The following SNTG1 variants were observed in gnomAD, a reference collection of about 807,000 sequenced individuals.
SNTG1 encodes syntrophin gamma 1.
In SNTG1, 39 loss-of-function variants were observed where a neutral mutation model predicts 74.7. That is an observed-to-expected ratio of 0.52 (90% confidence interval 0.40 to 0.68). SNTG1 has a LOEUF of 0.68. Ranked by LOEUF, SNTG1 falls within the 30% of genes least tolerant of loss-of-function variation. The pLI is 0.00. For missense variants in SNTG1, 685 were observed against 609.5 expected (o/e 1.12, Z -1.30); for synonymous variants, 254 against 217.1 (o/e 1.17, Z -1.49).
chr8:50,341,747 T>G (rs2091324372), intron 2 of SNTG1, among the ~76,000 whole-genome samples: 1 of 152,046 alleles, frequency 6.6e-6, no homozygotes, highest in Admixed American at 6.5e-5. Context: ...TGGTGCCAGT[T>G]TGTAGGTGAC....
chr8:50,154,068 G>A (rs541417534), intron 1 of SNTG1, among the ~76,000 whole-genome samples: 1 of 152,216 alleles, frequency 6.6e-6, no homozygotes, highest in African/African-American at 2.4e-5. Context: ...GAGCTTCCAG[G>A]CTGCTTTATT....
Position 50,229,575 on chromosome 8 carries a change from T to C in SNTG1, c.-28+56940T>C, listed in dbSNP as rs1171574103. On this transcript the variant is annotated intron_variant, in intron 2 of 18. Transcript: ENST00000642720. ...AACATGTACACAATTAAAAAGAGAGTCAAAATTTGTGAGGCAAAACTTGAT... is the reference window on the plus strand; with the variant it reads ...AACATGTACACAATTAAAAAGAGAGCCAAAATTTGTGAGGCAAAACTTGAT... 8.0e-4 allele frequency among the ~76,000 whole-genome samples: 120 copies of C among 150,740 alleles called. 3 individuals carry two copies. The highest frequency in any genetic ancestry group is 7.9e-3 in the Admixed American group (120 of 15,114).
chr8:50,730,173 G>T (rs1292558890), intron 17 of SNTG1, among the ~76,000 whole-genome samples: 1 of 152,086 alleles, frequency 6.6e-6, no homozygotes, highest in East Asian at 1.9e-4. Flanking sequence ...GAAAGAAAGT[G>T]ATTTGAATAT....
chr8:49,965,224 A>G (rs1293815642), intron 1 of SNTG1, among the ~76,000 whole-genome samples: 1 of 152,162 alleles, frequency 6.6e-6, no homozygotes, highest in African/African-American at 2.4e-5. Flanking sequence ...CTACACATCA[A>G]TTTAGCAGTA....
intron 18 of SNTG1, among the ~76,000 whole-genome samples, chr8:50,759,008 C>A (rs572424642): frequency 1.3e-5 from 2 of 152,232 alleles, no homozygotes; most frequent in South Asian, 4.1e-4. Flanking sequence ...ACCATTCTAA[C>A]TGACGTGAGA....
chr8:50,779,637 T>G (rs1436373958), intron 18 of SNTG1, among the ~76,000 whole-genome samples: 1 of 152,022 alleles, frequency 6.6e-6, no homozygotes, highest in East Asian at 1.9e-4. Flanking sequence ...TATACAATCA[T>G]GTCATCTGCA....
In SNTG1 at chr8:50,502,783, G is replaced by C. The variant is rs771241632; in HGVS notation, c.369G>C (p.Gln123His). 12 of 1,611,558 alleles carry C rather than the reference G, an allele frequency of 7.4e-6. No homozygotes were observed. The highest frequency in any genetic ancestry group is 2.2e-5 in the East Asian group (1 of 44,744). ...VRKCRHEEVV[Q>H]VLRNAGEEVT... ...CTTTTTATTCTTTTTTTCAGGTTCA[G>C]GTTCTTCGGAATGCTGGAGAAGAAG... Residue 123 changes from glutamine to histidine, a missense_variant, in exon 9 of 19, where the codon CAG becomes CAC. By Grantham distance (24) the Gln-to-His change is conservative. Transcript: ENST00000642720.
intron 1 of SNTG1, among the ~76,000 whole-genome samples, chr8:49,983,731 C>T (rs2130183314): frequency 1.3e-5 from 2 of 152,276 alleles, no homozygotes; most frequent in Middle Eastern, 3.4e-3. Context: ...TACTTCACTG[C>T]CCTGATGCTT....
chr8:50,206,947 G>C (rs191216815), intron 2 of SNTG1, among the ~76,000 whole-genome samples: 2 of 152,256 alleles, frequency 1.3e-5, no homozygotes, highest in East Asian at 1.9e-4. Flanking sequence ...CCTTTTTGAC[G>C]TGCTGCTGGT....
intron 15 of SNTG1, among the ~76,000 whole-genome samples, chr8:50,661,193 T>C (rs1436620451): frequency 6.6e-6 from 1 of 152,208 alleles, no homozygotes; most frequent in African/African-American, 2.4e-5. Context: ...TTAGGTGATA[T>C]GATGTTAAGT....
Position 50,394,215 on chromosome 8 carries a change from A to T in SNTG1, c.-24A>T, listed in dbSNP as rs746014404. 2 of 1,612,836 alleles carry T rather than the reference A, an allele frequency of 1.2e-6. No homozygotes were observed. Among genetic ancestry groups the T allele is most frequent in the Non-Finnish European group, 1.7e-6 (2 of 1,179,248 alleles). ...TACCATTTCTGTGTCTTTTCAGACG[A>T]CATCCTTTGTGGTGCCACAGCACAT... is the stretch of plus-strand genomic sequence containing the variant. On this transcript the variant is annotated 5_prime_UTR_variant, in exon 3 of 19. Coordinates refer to ENST00000642720, the MANE Select transcript of SNTG1 (RefSeq NM_018967.5).
intron 14 of SNTG1, among the ~76,000 whole-genome samples, chr8:50,657,923 C>T (rs1045452083): frequency 1.3e-5 from 2 of 152,112 alleles, no homozygotes; most frequent in South Asian, 4.1e-4. Flanking sequence ...AATGCCAGAC[C>T]AGTCACTTGC....
At position 50,127,629 on chromosome 8, in the gene SNTG1, G is replaced by A. The variant is rs1586390074; in HGVS notation, c.-102-44932G>A. ...GGTCTAGACCGGGTTTGCACAGATA[G>A]AAACATTCAAGACATTTAGTCAGTT... On this transcript the variant is annotated intron_variant, in intron 1 of 18. Coordinates refer to ENST00000642720, the MANE Select transcript of SNTG1 (RefSeq NM_018967.5). 2.0e-5 allele frequency among the ~76,000 whole-genome samples: 3 copies of A among 152,220 alleles called. No homozygotes were observed. The East Asian group carries it at 5.8e-4, about 29-fold the overall frequency.
At chr8:50,016,914 AC>A (rs1816376183) in intron 1 of SNTG1, among the ~76,000 whole-genome samples, 1 of 152,124 alleles carries the variant, frequency 6.6e-6, no homozygotes, top group Admixed American at 6.6e-5. Context: ...CACGTCAGAA[AC>A]CAAGGAAGCT....
At chr8:50,694,351 A>T (rs906859360) in intron 15 of SNTG1, among the ~76,000 whole-genome samples, 2 of 152,114 alleles carry the variant, frequency 1.3e-5, no homozygotes, top group African/African-American at 4.8e-5. Flanking sequence ...AAATGAATAC[A>T]TTCTGGGACA....
chr8:50,349,870 G>A (rs974326036), intron 2 of SNTG1, among the ~76,000 whole-genome samples: 1 of 152,174 alleles, frequency 6.6e-6, no homozygotes, highest in Non-Finnish European at 1.5e-5. Flanking sequence ...CCCTTTCTGG[G>A]CTGGCCAAGG....
chr8:50,701,659 T>TCTTCTTCTTCTTC (rs536691756), intron 15 of SNTG1, among the ~76,000 whole-genome samples: 2 of 143,436 alleles, frequency 1.4e-5, no homozygotes, highest in African/African-American at 5.5e-5. Context: ...TTTTTCTTCC[T>TCTTCTTCTTCTTC]CTTCTTCTTC....
intron 1 of SNTG1, among the ~76,000 whole-genome samples, chr8:50,011,439 T>A (rs1038412735): frequency 1.3e-5 from 2 of 152,180 alleles, no homozygotes; most frequent in African/African-American, 4.8e-5. Context: ...TTAACTTTTA[T>A]CAAGATGTGT....
chr8:49,944,276 G>A (rs2220264), intron 1 of SNTG1, among the ~76,000 whole-genome samples: 11,909 of 151,982 alleles, frequency 0.078, 1,498 homozygotes, highest in African/African-American at 0.27. Flanking sequence ...GAGCTCTGTA[G>A]GCTGTAGGGT....
Sources: gnomAD v4.1 joint callset for allele counts (sites outside exome capture counted in the v4.1 genomes callset) on GRCh38, gnomAD v4.1.1 for gene constraint, MANE v1.5 for transcripts, NCBI Gene and HGNC (gene_info 2026-07-23, HGNC 2026-07-21) for gene names.